Variants in LRRC1 observed in about 807,000 individuals in gnomAD.
The protein encoded by LRRC1 is leucine rich repeat containing 1.
In LRRC1, 28 loss-of-function variants were observed where a neutral mutation model predicts 69.9. The observed-to-expected ratio is 0.40, with a 90% CI of 0.30 to 0.55. The LOEUF is 0.55. Ranked by LOEUF, LRRC1 falls within the 20% of genes least tolerant of loss-of-function variation. The pLI is 0.47. For missense variants in LRRC1, 498 were observed against 609.0 expected (o/e 0.82, Z 1.92); for synonymous variants, 236 against 240.2 (o/e 0.98, Z 0.16).
chr6:53,865,258 A>G (rs546802910), intron 2 of LRRC1, among the ~76,000 whole-genome samples: 1 of 152,244 alleles, frequency 6.6e-6, no homozygotes, highest in Non-Finnish European at 1.5e-5. Flanking sequence ...TAAATATAGA[A>G]GGTGATCAGT....
chr6:53,842,491 A>T (rs1160788733), intron 2 of LRRC1, among the ~76,000 whole-genome samples: 1 of 152,200 alleles, frequency 6.6e-6, no homozygotes, highest in Non-Finnish European at 1.5e-5. Flanking sequence ...CAGTTAACTT[A>T]TAGGCATTTT....
intron 1 of LRRC1, among the ~76,000 whole-genome samples, chr6:53,820,561 C>T (rs922103768): frequency 1.3e-5 from 2 of 151,360 alleles, no homozygotes; most frequent in African/African-American, 4.9e-5. Context: ...CTGTGAATCG[C>T]CTTTGATTGT....
intron 2 of LRRC1, among the ~76,000 whole-genome samples, chr6:53,875,674 TA>T (rs1400088493): frequency 1.3e-5 from 2 of 152,210 alleles, no homozygotes; most frequent in Non-Finnish European, 2.9e-5. Context: ...AAAGAAAGTC[TA>T]AAGGTAATTA....
In LRRC1 at chr6:53,879,638, C is replaced by A. The variant is rs561477157; in HGVS notation, c.356+567C>A. Among the ~76,000 whole-genome samples, 8 of 151,782 alleles carry A rather than the reference C, an allele frequency of 5.3e-5. No homozygotes were observed. The East Asian group carries it at 1.4e-3, about 26-fold the overall frequency. ...AACTCTGCATTAAAAAACAAACAAA[C>A]AAAAAAACCCAAAAAACCCATATCA... On this transcript the variant is annotated intron_variant, in intron 3 of 13. Coordinates refer to ENST00000370888, the MANE Select transcript of LRRC1 (RefSeq NM_018214.5).
chr6:53,891,451 CA>C (rs201969537), intron 4 of LRRC1, among the ~76,000 whole-genome samples: 20 of 142,882 alleles, frequency 1.4e-4, no homozygotes, highest in African/African-American at 4.2e-4. Flanking sequence ...AAAAATGAGA[CA>C]AAAAAAATCT....
At chr6:53,899,614 A>T in intron 7 of LRRC1, 133 bp from the exon 8 acceptor site, 1 of 773,414 alleles carries the variant, frequency 1.3e-6, no homozygotes, top group Non-Finnish European at 2.0e-6. Context: ...CCCTGCCTTC[A>T]CATTTGGATT....
At chr6:53,823,089 T>C (rs1237130451) in intron 1 of LRRC1, among the ~76,000 whole-genome samples, 3 of 152,204 alleles carry the variant, frequency 2.0e-5, no homozygotes, top group African/African-American at 7.2e-5. Context: ...TCACTGTGAC[T>C]CTGGAGTGTA....
intron 1 of LRRC1, among the ~76,000 whole-genome samples, chr6:53,830,758 C>T (rs1157236499): frequency 1.3e-5 from 2 of 151,786 alleles, no homozygotes; most frequent in South Asian, 2.1e-4. Context: ...GAGAGGAACC[C>T]TTATACAATT....
At chr6:53,895,788 A>C (rs756371663) in intron 4 of LRRC1, among the ~76,000 whole-genome samples, 1 of 152,238 alleles carries the variant, frequency 6.6e-6, no homozygotes, top group African/African-American at 2.4e-5. Context: ...ACTGGATTAC[A>C]TCCAAGAGGC....
At chr6:53,899,648 G>A in intron 7 of LRRC1, 99 bp from the exon 8 acceptor site, 2 of 1,195,476 alleles carry the variant, frequency 1.7e-6, no homozygotes, top group Non-Finnish European at 1.2e-6. Context: ...ACATCCTTAG[G>A]ACCGCCCTGG....
At chr6:53,878,399 T>C (rs1158441155) in intron 2 of LRRC1, among the ~76,000 whole-genome samples, 2 of 152,218 alleles carry the variant, frequency 1.3e-5, no homozygotes, top group African/African-American at 2.4e-5. Flanking sequence ...ATAAGGTAGA[T>C]TCAATGGGAG....
intron 2 of LRRC1, among the ~76,000 whole-genome samples, chr6:53,843,315 C>A (rs915988790): frequency 6.6e-6 from 1 of 152,014 alleles, no homozygotes; most frequent in Admixed American, 6.6e-5. Context: ...TGGCAAAAAC[C>A]CCAGGTCCCA....
At position 53,902,681 on chromosome 6, in the gene LRRC1, G is replaced by A; in HGVS notation, c.840G>A (p.Gln280=). The A allele has an allele frequency of 1.2e-6, 2 of 1,613,548 alleles. No homozygotes were observed. The highest frequency in any genetic ancestry group is 1.7e-6 in the Non-Finnish European group (2 of 1,179,694). Residue 280 remains glutamine (Q), a synonymous_variant, in exon 9 of 14, where the codon CAG becomes CAA. Coordinates refer to ENST00000370888, the MANE Select transcript of LRRC1 (RefSeq NM_018214.5). ...AGGTGGATCAGAATAGACTCACACA[G>A]TTGCCTGAAGCAGTTGGGGAATGTG... is the stretch of plus-strand genomic sequence containing the variant. The part of the protein sequence containing the change: ...ILKVDQNRLT[Q]LPEAVGECES...
chr6:53,869,006 A>G (rs1003722126), intron 2 of LRRC1, among the ~76,000 whole-genome samples: 7 of 152,206 alleles, frequency 4.6e-5, no homozygotes, highest in Non-Finnish European at 4.4e-5. Context: ...AATACTTGTC[A>G]ATGATCTATT....
At chr6:53,812,570 G>A (rs1364084910) in intron 1 of LRRC1, among the ~76,000 whole-genome samples, 2 of 151,576 alleles carry the variant, frequency 1.3e-5, no homozygotes, top group Non-Finnish European at 2.9e-5. Context: ...GGCGCCTGTA[G>A]TCCCAGCTAC....
At chr6:53,796,520 C>A (rs558558001) in intron 1 of LRRC1, among the ~76,000 whole-genome samples, 10 of 152,332 alleles carry the variant, frequency 6.6e-5, no homozygotes, top group African/African-American at 2.4e-4. Context: ...CAAGCCAAAT[C>A]ATTGTCACAG....
intron 4 of LRRC1, among the ~76,000 whole-genome samples, chr6:53,895,263 T>C (rs1468072724): frequency 6.6e-6 from 1 of 152,208 alleles, no homozygotes; most frequent in African/African-American, 2.4e-5. Context: ...TGTTCTTGCT[T>C]TAAGTATGAA....
intron 2 of LRRC1, among the ~76,000 whole-genome samples, chr6:53,873,701 T>G (rs1766974160): frequency 6.6e-6 from 1 of 152,198 alleles, no homozygotes; most frequent in Non-Finnish European, 1.5e-5. Flanking sequence ...TAGGGTTTTC[T>G]ATATGTAAAA....
intron 2 of LRRC1, among the ~76,000 whole-genome samples, chr6:53,870,772 C>A (rs2127426840): frequency 6.6e-6 from 1 of 152,212 alleles, no homozygotes; most frequent in Admixed American, 6.5e-5. Context: ...TACCTGTCAA[C>A]TTTTTTCCCA....
Sources: gnomAD v4.1 joint callset for allele counts (sites outside exome capture counted in the v4.1 genomes callset) on GRCh38, gnomAD v4.1.1 for gene constraint, MANE v1.5 for transcripts, NCBI Gene and HGNC (gene_info 2026-07-23, HGNC 2026-07-21) for gene names.